KIF4A: variants seen among roughly 807,000 people sequenced by gnomAD.
The protein encoded by KIF4A is kinesin family member 4A.
In KIF4A, 7 loss-of-function variants were observed where a neutral mutation model predicts 105.9. That is an observed-to-expected ratio of 0.07 (90% CI 0.04 to 0.12). KIF4A has a LOEUF of 0.12. Ranked by LOEUF, KIF4A falls within the 10% of genes least tolerant of loss-of-function variation. The pLI is 1.00. For missense variants in KIF4A, 558 were observed against 929.2 expected, an observed-to-expected ratio of 0.60 and a Z score of 5.19; for synonymous variants, 281 against 331.3, an observed-to-expected ratio of 0.85 and a Z score of 1.65.
chrX:70,330,922 G>T (rs773264711), intron 9 of KIF4A, among the ~76,000 whole-genome samples: 2 of 111,676 alleles, frequency 1.8e-5, no homozygotes, highest in Non-Finnish European at 3.8e-5. Flanking sequence ...TATACATGTG[G>T]ATTCTGCAGG....
At chrX:70,346,348 C>T (rs1311423865) in intron 13 of KIF4A, among the ~76,000 whole-genome samples, 1 of 111,201 alleles carries the variant, frequency 9.0e-6, no homozygotes, top group Non-Finnish European at 1.9e-5. Flanking sequence ...CTGCAGAAGC[C>T]CACTGGGGCC....
At position 70,295,238 on chromosome X, in the gene KIF4A, C is replaced by T. The variant is rs1202488498; in HGVS notation, c.236-1760C>T. ...TGGCCCAGGCTGAAGTGCAGTGGTG[C>T]GATCTCGGTTCACTGTAACCTCCGC... On this transcript the variant is annotated intron_variant, in intron 3 of 30. Transcript: ENST00000374403. 1.1e-4 allele frequency among the ~76,000 whole-genome samples: 12 copies of T among 111,261 alleles called. No individual in the cohort carries two copies. The East Asian group carries it at 2.0e-3, about 18-fold the overall frequency.
At position 70,420,331 on chromosome X, in the gene KIF4A, G is replaced by A. The variant is rs188337209; in HGVS notation, c.*66G>A. On this transcript the variant is annotated 3_prime_UTR_variant, in exon 31 of 31. Coordinates refer to ENST00000374403, the MANE Select transcript of KIF4A (RefSeq NM_012310.5). ...ATGCTTTCAGGTTGCAGCCAGAAGG[G>A]GTTTTTTAAATGACTTCTCTGGATT... is the stretch of plus-strand genomic sequence containing the variant. 14 of 1,112,106 alleles carry A rather than the reference G, an allele frequency of 1.3e-5. No homozygotes were observed. Among genetic ancestry groups the A allele is most frequent in the African/African-American group, 1.9e-5 (1 of 53,722 alleles). The allele number at this position is 1,112,106 out of a possible 1,213,427, so 91.7% of individuals were successfully genotyped here. A position where few individuals can be genotyped will look rare whatever the true frequency, so the allele number is the denominator to read the frequency against.
chrX:70,295,502 G>A (rs982886533), intron 3 of KIF4A, among the ~76,000 whole-genome samples: 1 of 110,667 alleles, frequency 9.0e-6, no homozygotes, highest in African/African-American at 3.3e-5. Context: ...TATATTTTAT[G>A]GGTCTTTCTG....
In KIF4A at chrX:70,375,296, A is replaced by G; in HGVS notation, c.1871A>G (p.Lys624Arg). The change falls in exon 17 of 31, where the codon AAA becomes AGA. Residue 624 changes from lysine to arginine, a missense_variant. Lys to Arg is a conservative substitution (Grantham distance 26, BLOSUM62 2). Around this residue, in one of 2 missense-constraint regions of KIF4A, gnomAD observed 469 missense variants for 680.4 expected, o/e 0.69. Coordinates refer to ENST00000374403, the MANE Select transcript of KIF4A (RefSeq NM_012310.5). ...CTGAATGAGCAGTCCAAACTTCTGA[A>G]ACTAAAGGAATCCACAGAGCGTACT... ...KKLNEQSKLL[K>R]LKESTERTVS... The G allele has an allele frequency of 1.7e-6, 2 of 1,211,322 alleles. No individual in the cohort carries two copies. The highest frequency in any genetic ancestry group is 2.2e-6 in the Non-Finnish European group (2 of 895,001).
Position 70,395,871 on chromosome X carries a change from A to G in KIF4A, c.2388+45A>G, listed in dbSNP as rs763228612. 3 of 1,201,050 alleles carry G rather than the reference A, an allele frequency of 2.5e-6. No homozygotes were observed. In the South Asian group the frequency reaches 5.3e-5, roughly 21 times the overall value. ...AATGTTGCCAATAATCAGACTCTAC[A>G]TTCCCCAGAAATCCTCATAGCTTTG... On this transcript the variant is annotated intron_variant, in intron 21 of 30. Coordinates refer to ENST00000374403, the MANE Select transcript of KIF4A (RefSeq NM_012310.5).
At chrX:70,312,297 A>C (rs1407441569) in intron 7 of KIF4A, among the ~76,000 whole-genome samples, 1 of 109,769 alleles carries the variant, frequency 9.1e-6, no homozygotes, top group Non-Finnish European at 1.9e-5. Context: ...GGCACACGCC[A>C]CCACGTCCAG....
At chrX:70,386,181 C>G (rs989083929) in intron 18 of KIF4A, among the ~76,000 whole-genome samples, 3 of 110,328 alleles carry the variant, frequency 2.7e-5, no homozygotes, top group Non-Finnish European at 3.8e-5. Flanking sequence ...TAGACTTTCT[C>G]TTTTTTGCCA....
chrX:70,380,566 A>G (rs1159235524), intron 18 of KIF4A, among the ~76,000 whole-genome samples: 3 of 111,970 alleles, frequency 2.7e-5, no homozygotes, highest in African/African-American at 9.7e-5. Context: ...CCCACAGCTA[A>G]CATCATACTT....
chrX:70,403,756 A>G, intron 23 of KIF4A, 108 bp from the exon 24 acceptor site: 1 of 669,032 alleles, frequency 1.5e-6, no homozygotes, highest in South Asian at 3.1e-5. Context: ...AACATGGAGG[A>G]ATTTTTCTCA....
Position 70,378,961 on chromosome X carries a change from C to T in KIF4A, c.2034+2751C>T, listed in dbSNP as rs763753171. ...CACAAGGTCAGGAGATCGAGACCAT[C>T]CTGGCTAACACGGTGAAACCCCATC... On this transcript the variant is annotated intron_variant, in intron 18 of 30. Coordinates refer to ENST00000374403, the MANE Select transcript of KIF4A (RefSeq NM_012310.5). 2.7e-5 allele frequency among the ~76,000 whole-genome samples: 3 copies of T among 109,105 alleles called. No individual in the cohort carries two copies. In the Admixed American group the frequency reaches 3.0e-4, roughly 11 times the overall value. The allele number at this position is 109,105 out of a possible 115,157, so 94.7% of individuals were successfully genotyped here. A position where few individuals can be genotyped will look rare whatever the true frequency, so the allele number is the denominator to read the frequency against.
At chrX:70,345,794 G>C (rs997568463) in intron 13 of KIF4A, among the ~76,000 whole-genome samples, 8 of 111,650 alleles carry the variant, frequency 7.2e-5, no homozygotes, top group Non-Finnish European at 1.5e-4. Flanking sequence ...AGGTGGGAGA[G>C]GTGGCAAAAT....
chrX:70,389,840 T>C (rs987671007), intron 20 of KIF4A, among the ~76,000 whole-genome samples: 3 of 112,370 alleles, frequency 2.7e-5, no homozygotes, highest in Admixed American at 1.9e-4. Context: ...TTTGTCAAAA[T>C]TGTTTTGGGA....
chrX:70,364,916 G>A (rs1186355122), intron 15 of KIF4A, among the ~76,000 whole-genome samples: 33 of 110,850 alleles, frequency 3.0e-4, no homozygotes, highest in Non-Finnish European at 5.1e-4. Context: ...CTTTTATTTC[G>A]TTGAGCAGTG....
chrX:70,377,985 A>G (rs1326948899), intron 18 of KIF4A, among the ~76,000 whole-genome samples: 1 of 112,603 alleles, frequency 8.9e-6, no homozygotes, highest in Non-Finnish European at 1.9e-5. Flanking sequence ...CCACAATGGA[A>G]TGAAATTAAA....
rs776683982 is a variant in KIF4A at position 70,301,875 on chromosome X, G to A, written c.517-25G>A. 5.0e-6 allele frequency: 6 copies of A among 1,197,863 alleles called. No individual in the cohort carries two copies. The African/African-American group carries it at 1.1e-4, about 21-fold the overall frequency. On this transcript the variant is annotated intron_variant, in intron 5 of 30. Transcript: ENST00000374403. The stretch of plus-strand genomic sequence containing the variant: ...AAGCATTTGAAGTATAAATCATAAG[G>A]GAATTTTCTCTTTCTTGCAATTAGA...
intron 10 of KIF4A, among the ~76,000 whole-genome samples, chrX:70,341,391 A>T (rs1034198572): frequency 9.0e-6 from 1 of 111,201 alleles, no homozygotes; most frequent in East Asian, 2.8e-4. Context: ...TCCCTTCTCT[A>T]CTTCCCTAAT....
chrX:70,370,046 T>C (rs2086123877), intron 15 of KIF4A, among the ~76,000 whole-genome samples: 1 of 111,397 alleles, frequency 9.0e-6, no homozygotes, highest in Non-Finnish European at 1.9e-5. Flanking sequence ...AGTCATATGA[T>C]GTACAGTCAC....
intron 20 of KIF4A, among the ~76,000 whole-genome samples, chrX:70,387,912 A>G (rs1351605144): frequency 1.8e-5 from 2 of 111,893 alleles, no homozygotes; most frequent in Non-Finnish European, 3.8e-5. Flanking sequence ...ACACGTGTAT[A>G]CACCCATGAA....
Sources: allele counts gnomAD v4.1 joint callset (sites outside exome capture counted in the v4.1 genomes callset), GRCh38; gene constraint gnomAD v4.1.1; regional missense constraint gnomAD v4.1.1; transcripts MANE v1.5; gene names NCBI Gene and HGNC (gene_info 2026-07-23, HGNC 2026-07-21).